Variants in KCNK9 observed in about 807,000 individuals in gnomAD.
KCNK9 encodes the protein potassium channel subfamily K member 9.
In KCNK9, 1 loss-of-function variant was observed where a neutral mutation model predicts 10.8. The observed-to-expected ratio is 0.09, with a 90% CI of 0.03 to 0.44. The LOEUF (loss-of-function observed/expected upper bound fraction) is 0.44, where lower values mean the gene tolerates loss of function less well. Among genes scored for constraint, KCNK9 ranks in the 20% least tolerant of loss-of-function variants. The pLI is 0.97. For synonymous variants in KCNK9, 231 were observed against 222.7 expected (o/e 1.04, Z -0.33); for missense variants, 303 against 515.0 (o/e 0.59, Z 3.98).
At chr8:139,649,748 G>C (rs548190537) in intron 1 of KCNK9, among the ~76,000 whole-genome samples, 1 of 152,266 alleles carries the variant, frequency 6.6e-6, no homozygotes, top group East Asian at 1.9e-4. Flanking sequence ...ACCCTGGGGG[G>C]AAAAAAATTG....
intron 1 of KCNK9, among the ~76,000 whole-genome samples, chr8:139,674,909 C>G (rs982279145): frequency 6.6e-6 from 1 of 152,110 alleles, no homozygotes; most frequent in Non-Finnish European, 1.5e-5. Context: ...TCTTCCTCCC[C>G]CCGAAGCCTT....
chr8:139,626,000 C>T (rs187791175), intron 1 of KCNK9, among the ~76,000 whole-genome samples: 1 of 152,154 alleles, frequency 6.6e-6, no homozygotes, highest in Non-Finnish European at 1.5e-5. Flanking sequence ...GCACATGGGA[C>T]ATAGTAGTGC....
intron 1 of KCNK9, among the ~76,000 whole-genome samples, chr8:139,656,283 A>G (rs2129689425): frequency 6.6e-6 from 1 of 152,314 alleles, no homozygotes; most frequent in Middle Eastern, 3.4e-3. Flanking sequence ...CAGCCCGAGC[A>G]GAGAGCCCAT....
downstream of KCNK9, among the ~76,000 whole-genome samples, chr8:139,607,861 C>A (rs1221164135): frequency 6.6e-6 from 1 of 152,200 alleles, no homozygotes; most frequent in Non-Finnish European, 1.5e-5. Context: ...CTGGAAGACA[C>A]CTGCCTCTTA....
At chr8:139,652,328 C>G (rs751351471) in intron 1 of KCNK9, among the ~76,000 whole-genome samples, 1 of 152,234 alleles carries the variant, frequency 6.6e-6, no homozygotes, top group African/African-American at 2.4e-5. Context: ...TTGTTCCAAG[C>G]AGATTCTCTT....
chr8:139,642,345 G>T (rs1291895210), intron 1 of KCNK9, among the ~76,000 whole-genome samples: 1 of 152,112 alleles, frequency 6.6e-6, no homozygotes, highest in Non-Finnish European at 1.5e-5. Context: ...TACCCCTACA[G>T]AAAAACTTGG....
At chr8:139,633,946 G>A (rs1188711013) in intron 1 of KCNK9, among the ~76,000 whole-genome samples, 1 of 152,236 alleles carries the variant, frequency 6.6e-6, no homozygotes, top group Non-Finnish European at 1.5e-5. Flanking sequence ...GTAACTATTC[G>A]CATCGAGCCT....
intron 1 of KCNK9, among the ~76,000 whole-genome samples, chr8:139,658,136 A>T (rs1816066324): frequency 6.6e-6 from 1 of 152,230 alleles, no homozygotes; most frequent in African/African-American, 2.4e-5. Flanking sequence ...TTCAATGAAG[A>T]GAGAGTTTGC....
downstream of KCNK9, among the ~76,000 whole-genome samples, chr8:139,607,964 G>A (rs963113849): frequency 6.6e-6 from 1 of 152,138 alleles, no homozygotes; most frequent in African/African-American, 2.4e-5. Flanking sequence ...AAGGAACCAG[G>A]GTTGGGTGCT....
Position 139,660,722 on chromosome 8 carries a change from G to A in KCNK9, c.284-41623C>T, listed in dbSNP as rs114363466. Reference sequence around the variant, plus strand: ...TATTGATTAACAATAATGCATACTGGCTGTCATTAAAGGACTTAGCCCAGG... The same window carrying A: ...TATTGATTAACAATAATGCATACTGACTGTCATTAAAGGACTTAGCCCAGG... On this transcript the variant is annotated intron_variant, in intron 1 of 1. Transcript: ENST00000520439. 3.6e-3 allele frequency among the ~76,000 whole-genome samples: 541 copies of A among 152,186 alleles called. 3 individuals are homozygous for A. The highest frequency in any genetic ancestry group is 0.012 in the African/African-American group (500 of 41,524).
At chr8:139,608,806 G>T (rs1215596268), downstream of KCNK9, among the ~76,000 whole-genome samples, 3 of 152,224 alleles carry the variant, frequency 2.0e-5, no homozygotes, top group Non-Finnish European at 4.4e-5. Flanking sequence ...ACAAAGCTCT[G>T]TGTGATTAGT....
chr8:139,695,607 G>T (rs962571972), intron 1 of KCNK9, among the ~76,000 whole-genome samples: 4 of 152,202 alleles, frequency 2.6e-5, no homozygotes, highest in African/African-American at 9.7e-5. Context: ...CTTGAGGAAA[G>T]GGACCTCAGA....
intron 1 of KCNK9, among the ~76,000 whole-genome samples, chr8:139,667,394 T>C (rs898496877): frequency 4.6e-5 from 7 of 152,030 alleles, no homozygotes; most frequent in Non-Finnish European, 1.0e-4. Flanking sequence ...TGCAAATGAA[T>C]GTGCATAAAA....
chr8:139,691,662 G>A (rs1384837235), intron 1 of KCNK9, among the ~76,000 whole-genome samples: 1 of 152,166 alleles, frequency 6.6e-6, no homozygotes, highest in Non-Finnish European at 1.5e-5. Flanking sequence ...CAATAATTAA[G>A]TGTCCATTCA....
intron 1 of KCNK9, among the ~76,000 whole-genome samples, chr8:139,624,443 T>A (rs931171143): frequency 3.3e-5 from 5 of 152,116 alleles, no homozygotes; most frequent in African/African-American, 1.2e-4. Flanking sequence ...TCCAGTTGAG[T>A]GGCTGTCCCA....
chr8:139,608,276 C>T (rs1814299708), downstream of KCNK9, among the ~76,000 whole-genome samples: 1 of 152,136 alleles, frequency 6.6e-6, no homozygotes, highest in African/African-American at 2.4e-5. Flanking sequence ...GAGTCTCACA[C>T]AAAGCTTCAG....
chr8:139,646,835 C>T (rs1055170718), intron 1 of KCNK9, among the ~76,000 whole-genome samples: 21 of 152,254 alleles, frequency 1.4e-4, no homozygotes, highest in Non-Finnish European at 2.4e-4. Context: ...ACATAGAGAG[C>T]ACCAACCAGT....
intron 1 of KCNK9, among the ~76,000 whole-genome samples, chr8:139,660,447 AAAAT>A (rs1287138865): frequency 0.015 from 1,993 of 128,882 alleles, 36 homozygotes; most frequent in African/African-American, 0.064. Context: ...CTGCTAAAAA[AAAAT>A]ATATATATAT....
At chr8:139,701,099 T>A (rs532695458) in intron 1 of KCNK9, among the ~76,000 whole-genome samples, 1 of 152,182 alleles carries the variant, frequency 6.6e-6, no homozygotes, top group African/African-American at 2.4e-5. Flanking sequence ...AACAGGCCCC[T>A]GTCTCCCAGA....
Sources: allele counts gnomAD v4.1 joint callset (sites outside exome capture counted in the v4.1 genomes callset), GRCh38; gene constraint gnomAD v4.1.1; transcripts MANE v1.5; gene names NCBI Gene and HGNC (gene_info 2026-07-23, HGNC 2026-07-21).